WDR31: variants seen among roughly 807,000 people sequenced by gnomAD.
WDR31 encodes WD repeat-containing protein 31.
WDR31 carries 30 observed loss-of-function variants against 47.3 expected under a neutral mutation model. The observed-to-expected ratio is 0.63, with a 90% CI of 0.47 to 0.86. The LOEUF is 0.86. Among genes scored for constraint, WDR31 ranks in the 40% least tolerant of loss-of-function variants. WDR31 has a pLI of 0.00. For missense variants in WDR31, 406 were observed against 442.9 expected (o/e 0.92, Z 0.75); for synonymous variants, 137 against 159.4 (o/e 0.86, Z 1.06).
intron 5 of WDR31, among the ~76,000 whole-genome samples, chr9:113,326,941 T>A (rs1833485115): frequency 6.6e-6 from 1 of 152,122 alleles, no homozygotes; most frequent in Admixed American, 6.6e-5. Flanking sequence ...ACTCAAGTGA[T>A]CCTTCCACAT....
At chr9:113,338,435 C>T (rs980000419) in intron 1 of WDR31, among the ~76,000 whole-genome samples, 2 of 152,146 alleles carry the variant, frequency 1.3e-5, no homozygotes, top group Admixed American at 1.3e-4. Flanking sequence ...AAAAGTACTA[C>T]TAAGTTATCT....
At chr9:113,331,141 G>A in intron 3 of WDR31, 25 bp from the exon 4 acceptor site, 2 of 619,990 alleles carry the variant, frequency 3.2e-6, no homozygotes, top group Non-Finnish European at 5.0e-6. Flanking sequence ...GAAAATGAGA[G>A]ACCCAATGGC....
chr9:113,325,324 A>G (rs1833437909), intron 5 of WDR31, among the ~76,000 whole-genome samples: 1 of 152,192 alleles, frequency 6.6e-6, no homozygotes, highest in African/African-American at 2.4e-5. Flanking sequence ...CTGCCTTTCA[A>G]TAAGTGAATT....
At chr9:113,316,958 T>G in intron 10 of WDR31, 49 bp from the exon 11 acceptor site, 4 of 1,582,294 alleles carry the variant, frequency 2.5e-6, no homozygotes, top group Non-Finnish European at 3.4e-6. Flanking sequence ...TGTAGCATCA[T>G]GAAATGTGAT....
At chr9:113,325,046 A>G (rs1452964630) in intron 5 of WDR31, among the ~76,000 whole-genome samples, 1 of 151,954 alleles carries the variant, frequency 6.6e-6, no homozygotes, top group Non-Finnish European at 1.5e-5. Flanking sequence ...CCCAGGTTCA[A>G]GCGATTCTCC....
At chr9:113,330,379 G>A (rs1833570499) in intron 4 of WDR31, among the ~76,000 whole-genome samples, 1 of 152,192 alleles carries the variant, frequency 6.6e-6, no homozygotes, top group South Asian at 2.1e-4. Flanking sequence ...GGGATTATAG[G>A]TGTGAGCCAC....
In WDR31 at chr9:113,326,759, C is replaced by T. The variant is rs1032750775; in HGVS notation, c.324+2122G>A. ...AAAGTGTTGGGATTTTAGGAATGAG[C>T]TACCCTGCCTGGCCAATTTTTACTT... On this transcript the variant is annotated intron_variant, in intron 5 of 10. Coordinates refer to ENST00000374193, the MANE Select transcript of WDR31 (RefSeq NM_001012361.4). Among the ~76,000 whole-genome samples, 4 of 152,106 alleles carry T rather than the reference C, an allele frequency of 2.6e-5. No homozygotes were observed. The South Asian group carries it at 8.3e-4, about 31-fold the overall frequency.
chr9:113,333,892 A>G (rs1833656446), intron 2 of WDR31, among the ~76,000 whole-genome samples: 1 of 152,022 alleles, frequency 6.6e-6, no homozygotes, highest in African/African-American at 2.4e-5. Context: ...TTCCAACCAC[A>G]TCTCTCAGTG....
chr9:113,319,734 A>C (rs1833283812), intron 9 of WDR31, among the ~76,000 whole-genome samples: 1 of 152,176 alleles, frequency 6.6e-6, no homozygotes, highest in South Asian at 2.1e-4. Context: ...TAGAGCTCCA[A>C]ATTTCCTAAA....
At position 113,315,512 on chromosome 9, in the gene WDR31, C is replaced by T. The variant is rs1485389401; in HGVS notation, c.*1237G>A. On this transcript the variant is annotated 3_prime_UTR_variant, in exon 11 of 11. Coordinates refer to ENST00000374193, the MANE Select transcript of WDR31 (RefSeq NM_001012361.4). ...CTGAAGGCAGAAAGAACTCCATTTT[C>T]CCTGGAGGAAAATGGACCAGTGAGC... The T allele has an allele frequency of 1.3e-5, 2 of 152,114 alleles. No homozygotes were observed. The highest frequency in any genetic ancestry group is 4.8e-5 in the African/African-American group (2 of 41,382). The allele number at this position is 152,114 out of a possible 1,614,324, so 9.4% of individuals were successfully genotyped here. A position where few individuals can be genotyped will look rare whatever the true frequency, so the allele number is the denominator to read the frequency against.
intron 8 of WDR31, 28 bp from the exon 9 acceptor site, chr9:113,320,526 C>T: frequency 6.2e-7 from 1 of 1,607,656 alleles, no homozygotes; most frequent in South Asian, 1.1e-5. Context: ...AGGAAATTAG[C>T]TTGTAGTAAA....
rs1833606933 is a variant in WDR31 at position 113,331,943 on chromosome 9, T to A, written c.80A>T (p.Gln27Leu). Residue 27 changes from glutamine (Q) to leucine (L), a missense_variant, in exon 3 of 11, where the codon CAG (glutamine) becomes CTG (leucine). Gln to Leu is a moderately radical substitution (Grantham distance 113). Transcript: ENST00000374193. ...SFRFCVVMGK[Q>L]QSKLKHSTYK... is the part of the protein sequence containing the mutation. ...AGTGCTGTGTTTGAGTTTGCTTTGC[T>A]GTTTCCCCATCACGACACAAAACCT... 6.2e-7 allele frequency: 1 copy of A among 1,614,008 alleles called. No individual in the cohort carries two copies. The highest frequency in any genetic ancestry group is 1.3e-5 in the African/African-American group (1 of 75,052).
chr9:113,324,529 A>G (rs1170597237), intron 5 of WDR31, among the ~76,000 whole-genome samples: 5 of 151,544 alleles, frequency 3.3e-5, no homozygotes, highest in Admixed American at 2.0e-4. Flanking sequence ...AGCTGGGACT[A>G]TAAGTGTGCG....
chr9:113,322,670 G>T (rs188384548), intron 7 of WDR31, 141 bp downstream of exon 7: 5 of 687,726 alleles, frequency 7.3e-6, no homozygotes, highest in African/African-American at 7.2e-5. Context: ...AGAGGCCAGG[G>T]TCTCACAGCA....
chr9:113,317,280 G>C (rs1588037639), intron 10 of WDR31, among the ~76,000 whole-genome samples: 1 of 152,196 alleles, frequency 6.6e-6, no homozygotes, highest in East Asian at 1.9e-4. Flanking sequence ...CTGGGGTCTT[G>C]ATGCCTTGGA....
At chr9:113,339,263 G>A (rs12337123) in intron 1 of WDR31, among the ~76,000 whole-genome samples, 4,463 of 152,176 alleles carry the variant, frequency 0.029, 228 homozygotes, top group African/African-American at 0.1. Flanking sequence ...GTACCTATCC[G>A]ACTGTTCTAT....
chr9:113,336,849 T>C (rs1833724042), intron 1 of WDR31, among the ~76,000 whole-genome samples: 1 of 152,202 alleles, frequency 6.6e-6, no homozygotes, highest in Non-Finnish European at 1.5e-5. Flanking sequence ...GGTAGAAATA[T>C]TATTTGCTCA....
chr9:113,324,606 C>T (rs1833412823), intron 5 of WDR31, among the ~76,000 whole-genome samples: 1 of 151,724 alleles, frequency 6.6e-6, no homozygotes, highest in Admixed American at 6.6e-5. Flanking sequence ...CTCAGGCTGG[C>T]CTCGAACTCC....
chr9:113,322,000 A>G (rs969661226), intron 7 of WDR31, among the ~76,000 whole-genome samples: 2 of 152,106 alleles, frequency 1.3e-5, no homozygotes, highest in African/African-American at 4.8e-5. Context: ...ACCCGAAATA[A>G]CAGGATTTTC....
Sources: gnomAD v4.1 joint callset for allele counts (sites outside exome capture counted in the v4.1 genomes callset) on GRCh38, gnomAD v4.1.1 for gene constraint, MANE v1.5 for transcripts, NCBI Gene and HGNC (gene_info 2026-07-23, HGNC 2026-07-21) for gene names.